STK39: variants seen among roughly 807,000 people sequenced by gnomAD.
STK39 encodes the protein STE20/SPS1-related proline-alanine-rich protein kinase.
A neutral mutation model predicts 77.8 loss-of-function variants in STK39; 20 were observed. The observed-to-expected ratio is 0.26, with a 90% CI of 0.18 to 0.37. The LOEUF is 0.37. Ranked by LOEUF, STK39 falls within the 10% of genes least tolerant of loss-of-function variation. The pLI, the probability that STK39 is intolerant of heterozygous loss-of-function variation, is 1.00. For missense variants in STK39, 479 were observed against 656.5 expected, an observed-to-expected ratio of 0.73 and a Z score of 2.95; for synonymous variants, 246 against 234.1, an observed-to-expected ratio of 1.05 and a Z score of -0.47.
intron 12 of STK39, 94 bp from the exon 13 acceptor site, chr2:168,065,475 T>C: frequency 1.6e-6 from 2 of 1,281,896 alleles, no homozygotes; most frequent in Non-Finnish European, 1.1e-6. Context: ...GACCCAATAA[T>C]TTCCAAACGA....
At chr2:168,050,503 A>C (rs1230884740) in intron 14 of STK39, among the ~76,000 whole-genome samples, 1 of 152,212 alleles carries the variant, frequency 6.6e-6, no homozygotes, top group East Asian at 1.9e-4. Flanking sequence ...TCCTAATCAC[A>C]AGGGTCCTTA....
At chr2:168,179,317 G>C (rs1689025958) in intron 2 of STK39, among the ~76,000 whole-genome samples, 1 of 152,196 alleles carries the variant, frequency 6.6e-6, no homozygotes, top group Non-Finnish European at 1.5e-5. Context: ...GACAGCAACT[G>C]TGCTCCACAC....
intron 10 of STK39, among the ~76,000 whole-genome samples, chr2:168,104,491 G>A (rs916927162): frequency 6.6e-6 from 1 of 152,204 alleles, no homozygotes; most frequent in Non-Finnish European, 1.5e-5. Context: ...AACTGTGAAG[G>A]TGTGAGCCCA....
intron 1 of STK39, among the ~76,000 whole-genome samples, chr2:168,243,683 T>C (rs574547201): frequency 1.3e-5 from 2 of 152,256 alleles, no homozygotes; most frequent in South Asian, 2.1e-4. Context: ...ATACAGAAAT[T>C]AGTACTTCAA....
At chr2:168,033,194 G>A (rs990927199) in intron 14 of STK39, among the ~76,000 whole-genome samples, 11 of 151,888 alleles carry the variant, frequency 7.2e-5, no homozygotes, top group Non-Finnish European at 1.5e-4. Flanking sequence ...ACATTTCTAG[G>A]TACGGAAGTC....
At chr2:168,098,879 G>A (rs941887618) in intron 10 of STK39, among the ~76,000 whole-genome samples, 2 of 152,250 alleles carry the variant, frequency 1.3e-5, no homozygotes, top group African/African-American at 4.8e-5. Flanking sequence ...GGCGAAGCCT[G>A]TAACAACACC....
intron 1 of STK39, among the ~76,000 whole-genome samples, chr2:168,212,769 A>G (rs1009799657): frequency 2.6e-5 from 4 of 152,196 alleles, no homozygotes; most frequent in African/African-American, 9.7e-5. Context: ...AACACATCAT[A>G]TCATGACCAG....
intron 1 of STK39, among the ~76,000 whole-genome samples, chr2:168,239,386 A>G (rs769749336): frequency 1.9e-4 from 29 of 152,212 alleles, no homozygotes; most frequent in African/African-American, 6.0e-4. Flanking sequence ...CCTTTAATCC[A>G]GCCAGAAAGG....
At chr2:168,131,190 T>C (rs1164149311) in intron 8 of STK39, among the ~76,000 whole-genome samples, 6 of 152,254 alleles carry the variant, frequency 3.9e-5, no homozygotes, top group African/African-American at 1.2e-4. Context: ...ATCACAATTA[T>C]AGAAAATGTG....
chr2:168,214,599 T>A (rs1689979581), intron 1 of STK39, among the ~76,000 whole-genome samples: 3 of 152,204 alleles, frequency 2.0e-5, no homozygotes, highest in African/African-American at 7.2e-5. Context: ...CACTGAATTG[T>A]TAATCTTAAA....
At chr2:168,038,013 G>T (rs184197647) in intron 14 of STK39, among the ~76,000 whole-genome samples, 20 of 152,246 alleles carry the variant, frequency 1.3e-4, no homozygotes, top group African/African-American at 4.8e-4. Flanking sequence ...CTATGTAAAT[G>T]TGTTTTGTCA....
rs929232353 is a variant in STK39, at chr2:168,182,184, C to G, written c.209-94G>C. ...TCCTAAAGATCAATTTTTTTAAACT[C>G]TTCTACTCAGCGTATTCAGAACATT... On this transcript the variant is annotated intron_variant, in intron 1 of 17. Coordinates refer to ENST00000355999, the MANE Select transcript of STK39 (RefSeq NM_013233.3). The G allele has an allele frequency of 3.2e-6, 3 of 942,130 alleles. No individual in the cohort carries two copies. The African/African-American group carries it at 4.9e-5, about 15-fold the overall frequency. 58.4% of individuals were successfully genotyped at this position (942,130 alleles called of 1,614,324 possible). A position where few individuals can be genotyped will look rare whatever the true frequency, so the allele number is the denominator to read the frequency against.
At chr2:168,061,473 G>C (rs1043984538) in intron 14 of STK39, among the ~76,000 whole-genome samples, 9 of 151,248 alleles carry the variant, frequency 6.0e-5, no homozygotes, top group Non-Finnish European at 1.3e-4. Flanking sequence ...CCAAAAAAAA[G>C]TGTATGTGCG....
At chr2:168,168,551 A>T (rs1215227605) in intron 2 of STK39, among the ~76,000 whole-genome samples, 1 of 152,228 alleles carries the variant, frequency 6.6e-6, no homozygotes, top group African/African-American at 2.4e-5. Flanking sequence ...AAGTTACCCA[A>T]GCAGAACATC....
chr2:168,102,349 C>T (rs1418465035), intron 10 of STK39, among the ~76,000 whole-genome samples: 2 of 152,128 alleles, frequency 1.3e-5, no homozygotes, highest in East Asian at 1.9e-4. Flanking sequence ...GCCATCCTAG[C>T]GGGTATGAGG....
At chr2:168,239,543 C>T (rs1381087104) in intron 1 of STK39, among the ~76,000 whole-genome samples, 2 of 152,176 alleles carry the variant, frequency 1.3e-5, no homozygotes, top group African/African-American at 2.4e-5. Context: ...AGCTGATTGG[C>T]CCAAACGCAA....
intron 10 of STK39, among the ~76,000 whole-genome samples, chr2:168,077,355 A>T (rs1686107356): frequency 6.6e-6 from 1 of 152,196 alleles, no homozygotes; most frequent in Non-Finnish European, 1.5e-5. Flanking sequence ...CCACAAGCAG[A>T]ATCCAACTAT....
chr2:168,030,044 T>A (rs1191511261), intron 14 of STK39, among the ~76,000 whole-genome samples: 1 of 152,002 alleles, frequency 6.6e-6, no homozygotes, highest in African/African-American at 2.4e-5. Flanking sequence ...ATAGAGACCA[T>A]CCTGGCTAAC....
chr2:168,188,954 A>G (rs1156265766), intron 1 of STK39, among the ~76,000 whole-genome samples: 2 of 152,218 alleles, frequency 1.3e-5, no homozygotes, highest in African/African-American at 4.8e-5. Context: ...CAAGGCAGCT[A>G]CAAACTGGTG....
Sources: gnomAD v4.1 joint callset for allele counts (sites outside exome capture counted in the v4.1 genomes callset) on GRCh38, gnomAD v4.1.1 for gene constraint, MANE v1.5 for transcripts, NCBI Gene and HGNC (gene_info 2026-07-23, HGNC 2026-07-21) for gene names.